The following SIRT1 variants were observed in gnomAD, a reference collection of about 807,000 sequenced individuals.
The protein encoded by SIRT1 is NAD-dependent protein deacetylase sirtuin-1.
In SIRT1, 24 loss-of-function variants were observed where a neutral mutation model predicts 67.9. The observed-to-expected ratio is 0.35, with a 90% CI of 0.26 to 0.50. The LOEUF (loss-of-function observed/expected upper bound fraction) is 0.50. SIRT1 is among the 20% of genes least tolerant of loss of function. The probability of loss-of-function intolerance (pLI) is 0.98; values close to 1 mark genes in which losing one functional copy is unlikely to be tolerated. For synonymous variants in SIRT1, 378 were observed against 350.7 expected (o/e 1.08, Z -0.87); for missense variants, 873 against 937.2 (o/e 0.93, Z 0.89).
At chr10:67,912,428 A>T in intron 7 of SIRT1, 46 bp from the exon 8 acceptor site, 2 of 1,494,972 alleles carry the variant, frequency 1.3e-6, no homozygotes, top group Non-Finnish European at 1.8e-6. Context: ...TTATTAGCTT[A>T]CTTCCTCCTC....
In SIRT1 at chr10:67,910,939, A is replaced by G. The variant is rs571391232; in HGVS notation, c.1357+1497A>G. Among the ~76,000 whole-genome samples, 6 of 152,272 alleles carry G rather than the reference A, an allele frequency of 3.9e-5. No individual in the cohort carries two copies. The East Asian group carries it at 1.2e-3, about 29-fold the overall frequency. On this transcript the variant is annotated intron_variant, in intron 7 of 8. Transcript: ENST00000212015. The stretch of plus-strand genomic sequence containing the variant: ...ATCCCTAGCCAGAGAATTGAATTAG[A>G]CCCCACATCAGCAGTCAAGGCAGCC...
chr10:67,885,555 T>C (rs1842464819), intron 1 of SIRT1, among the ~76,000 whole-genome samples: 1 of 151,856 alleles, frequency 6.6e-6, no homozygotes, highest in Non-Finnish European at 1.5e-5. Context: ...GTCTGCAACT[T>C]TTTGGCTGTC....
intron 3 of SIRT1, among the ~76,000 whole-genome samples, chr10:67,890,633 T>G (rs1842554861): frequency 6.6e-6 from 1 of 151,810 alleles, no homozygotes; most frequent in African/African-American, 2.4e-5. Flanking sequence ...CTAAGGAGGT[T>G]GAGGTGGGAG....
intron 4 of SIRT1, among the ~76,000 whole-genome samples, chr10:67,893,961 A>G (rs1842614011): frequency 6.6e-6 from 1 of 152,188 alleles, no homozygotes; most frequent in Admixed American, 6.6e-5. Context: ...ATGTTACTTA[A>G]ATTGGCGACT....
chr10:67,912,699 C>A lies in SIRT1; in HGVS notation c.1583C>A (p.Pro528Gln), dbSNP rs770755510. ...GAATTGGCTTATTTGTCAGAGTTGC[C>A]ACCCACACCTCTTCATGTTTCAGAA... ...QKELAYLSEL[P>Q]PTPLHVSEDS... Residue 528 changes from proline to glutamine, a missense_variant, in exon 8 of 9, where the codon CCA (proline) becomes CAA (glutamine). Physicochemically the swap from Pro to Gln is moderately conservative, Grantham distance 76 (BLOSUM62 -1). Transcript: ENST00000212015. The A allele has an allele frequency of 6.2e-7, 1 of 1,613,960 alleles. No homozygotes were observed. The highest frequency in any genetic ancestry group is 1.3e-5 in the African/African-American group (1 of 74,896).
At chr10:67,904,488 C>G (rs1842791656) in intron 4 of SIRT1, among the ~76,000 whole-genome samples, 1 of 151,948 alleles carries the variant, frequency 6.6e-6, no homozygotes, top group Non-Finnish European at 1.5e-5. Flanking sequence ...CAGACATGGC[C>G]CATTTCATAC....
intron 4 of SIRT1, among the ~76,000 whole-genome samples, chr10:67,891,865 G>A (rs1842579455): frequency 6.6e-6 from 1 of 152,140 alleles, no homozygotes; most frequent in Admixed American, 6.5e-5. Context: ...AACATAACTT[G>A]TGATTTTTAA....
chr10:67,889,158 G>C, intron 3 of SIRT1, 35 bp downstream of exon 3: 5 of 1,543,826 alleles, frequency 3.2e-6, no homozygotes, highest in Non-Finnish European at 4.3e-6. Flanking sequence ...GGTCGTATAT[G>C]TATTTTCTTA....
rs190121724 is a variant in SIRT1 at position 67,884,745 on chromosome 10, C to A, written c.24C>A (p.Ala8=). The A allele has an allele frequency of 1.3e-3, 1,646 of 1,229,090 alleles. 25 individuals carry two copies. The African/African-American group carries it at 0.021, about 16-fold the overall frequency. The allele number at this position is 1,229,090 out of a possible 1,614,324, so 76.1% of individuals were successfully genotyped here. ...AGATGGCGGACGAGGCGGCCCTCGC[C>A]CTTCAGCCCGGCGGCTCCCCCTCGG... MADEAAL[A]LQPGGSPSAA... The change falls in exon 1 of 9, where the codon GCC becomes GCA. Residue 8 remains alanine (A), a synonymous_variant. Transcript: ENST00000212015.
chr10:67,892,418 A>G (rs1366415494), intron 4 of SIRT1, among the ~76,000 whole-genome samples: 10 of 152,006 alleles, frequency 6.6e-5, no homozygotes, highest in Non-Finnish European at 1.3e-4. Context: ...AAAATAAATA[A>G]TAAAATTTGC....
intron 4 of SIRT1, among the ~76,000 whole-genome samples, chr10:67,897,243 G>T (rs1460060536): frequency 6.6e-6 from 1 of 151,458 alleles, no homozygotes; most frequent in African/African-American, 2.4e-5. Flanking sequence ...CACAAGAACA[G>T]TTAAGGCCAG....
At chr10:67,905,868 C>T (rs951938393) in intron 4 of SIRT1, among the ~76,000 whole-genome samples, 5 of 152,108 alleles carry the variant, frequency 3.3e-5, no homozygotes, top group Admixed American at 2.0e-4. Context: ...GCTACATATT[C>T]CACTATTATG....
chr10:67,909,672 T>C (rs1040349442), intron 7 of SIRT1, among the ~76,000 whole-genome samples: 3 of 151,936 alleles, frequency 2.0e-5, no homozygotes, highest in Non-Finnish European at 4.4e-5. Flanking sequence ...CCTCCCGGGT[T>C]CAAGCGATTC....
chr10:67,908,386 A>AGTT (rs35991660), intron 6 of SIRT1, among the ~76,000 whole-genome samples: 2 of 152,298 alleles, frequency 1.3e-5, no homozygotes, highest in African/African-American at 4.8e-5. Context: ...ATCATAAGCA[A>AGTT]GTTGTTGTTG....
chr10:67,893,744 T>C lies in SIRT1; in HGVS notation c.942+2190T>C, dbSNP rs533912566. Among the ~76,000 whole-genome samples the C allele has an allele frequency of 7.1e-4, 108 of 152,200 alleles. 1 individual carries two copies. Among genetic ancestry groups the C allele is most frequent in the African/African-American group, 2.4e-3 (101 of 41,544 alleles). On this transcript the variant is annotated intron_variant, in intron 4 of 8. Coordinates refer to ENST00000212015, the MANE Select transcript of SIRT1 (RefSeq NM_012238.5). ...ATTTTTGGTAGAGACGGGGATTCAC[T>C]ATGTTGGCCAGGTTGGTCTTGAACT...
intron 1 of SIRT1, 68 bp downstream of exon 1, chr10:67,885,219 G>C (rs1842456930): frequency 3.2e-5 from 40 of 1,268,318 alleles, no homozygotes; most frequent in Non-Finnish European, 4.0e-5. Flanking sequence ...CTACTGGCCT[G>C]AGGTTGAGGG....
At chr10:67,893,375 CT>C (rs1293105973) in intron 4 of SIRT1, among the ~76,000 whole-genome samples, 1 of 152,086 alleles carries the variant, frequency 6.6e-6, no homozygotes, top group African/African-American at 2.4e-5. Flanking sequence ...TCAACTCTCA[CT>C]TATGAGTGAG....
intron 4 of SIRT1, among the ~76,000 whole-genome samples, chr10:67,901,190 T>C (rs910293175): frequency 6.6e-6 from 1 of 152,118 alleles, no homozygotes; most frequent in Non-Finnish European, 1.5e-5. Context: ...ATAGTCTTGC[T>C]CTGACACCCA....
intron 5 of SIRT1, 61 bp from the exon 6 acceptor site, chr10:67,907,984 TG>T: frequency 7.5e-7 from 1 of 1,340,838 alleles, no homozygotes; most frequent in Non-Finnish European, 1.1e-6. Flanking sequence ...ATAACGTTTG[TG>T]GTGTGTTCAA....
Sources: allele counts gnomAD v4.1 joint callset (sites outside exome capture counted in the v4.1 genomes callset), GRCh38; gene constraint gnomAD v4.1.1; transcripts MANE v1.5; gene names NCBI Gene and HGNC (gene_info 2026-07-23, HGNC 2026-07-21).